AGO1: variants seen among roughly 807,000 people sequenced by gnomAD.
AGO1 encodes argonaute RISC component 1.
In AGO1, 11 loss-of-function variants were observed where a neutral mutation model predicts 109.2. That is an observed-to-expected ratio of 0.10 (90% CI 0.06 to 0.17). The LOEUF is 0.17. Among genes scored for constraint, AGO1 ranks in the 10% least tolerant of loss-of-function variants. The probability of loss-of-function intolerance (pLI) is 1.00; values close to 1 mark genes in which losing one functional copy is unlikely to be tolerated. For missense variants in AGO1, 574 were observed against 1,140.3 expected (o/e 0.50, Z 7.15); for synonymous variants, 422 against 418.6 (o/e 1.01, Z -0.10).
At chr1:35,905,278 G>A (rs1645498410) in intron 11 of AGO1, among the ~76,000 whole-genome samples, 1 of 152,118 alleles carries the variant, frequency 6.6e-6, no homozygotes, top group Non-Finnish European at 1.5e-5. Flanking sequence ...AATGGTCAAA[G>A]CCCTAGCTGT....
Position 35,921,303 on chromosome 1 carries a change from T to G in AGO1, c.*1696T>G, listed in dbSNP as rs1433708088. The G allele has an allele frequency of 6.7e-6, 1 of 150,196 alleles. No individual in the cohort carries two copies. Among genetic ancestry groups the G allele is most frequent in the Non-Finnish European group, 1.5e-5 (1 of 67,580 alleles). 9.3% of individuals were successfully genotyped at this position (150,196 alleles called of 1,614,324 possible). On this transcript the variant is annotated 3_prime_UTR_variant, in exon 19 of 19. Coordinates refer to ENST00000373204, the MANE Select transcript of AGO1 (RefSeq NM_012199.5). The stretch of plus-strand genomic sequence containing the variant: ...ATGGACTTTTTTTTTTTTTTTTTTT[T>G]GTCTTGAGACATGGGGTTTGGCTGT...
chr1:35,874,164 G>A (rs1039830933), intron 1 of AGO1, among the ~76,000 whole-genome samples: 1 of 152,134 alleles, frequency 6.6e-6, no homozygotes, highest in African/African-American at 2.4e-5. Context: ...CCAATGTCAT[G>A]GGCTTTGTTA....
At position 35,919,649 on chromosome 1, in the gene AGO1, C is replaced by T; in HGVS notation, c.*42C>T. 2 of 1,576,006 alleles carry T rather than the reference C, an allele frequency of 1.3e-6. No individual in the cohort carries two copies. Among genetic ancestry groups the T allele is most frequent in the Non-Finnish European group, 1.7e-6 (2 of 1,154,444 alleles). ...CCTCACTGGATAGAAGAAAGCTTTC[C>T]AAGCCCCAGGAGCTGTGCCACCCAA... On this transcript the variant is annotated 3_prime_UTR_variant, in exon 19 of 19. Transcript: ENST00000373204. The surrounding 1 kb of genome is among the most constrained non-coding windows in gnomAD (Gnocchi z 6.6).
intron 17 of AGO1, among the ~76,000 whole-genome samples, chr1:35,918,711 A>G (rs1645779844): frequency 6.6e-6 from 1 of 152,014 alleles, no homozygotes; most frequent in South Asian, 2.1e-4. Context: ...ATGCGCCACC[A>G]TGCCCAGCTA....
chr1:35,903,146 A>C (rs1430554133), intron 11 of AGO1, among the ~76,000 whole-genome samples: 1 of 151,600 alleles, frequency 6.6e-6, no homozygotes, highest in African/African-American at 2.4e-5. Context: ...AGCTGGGACC[A>C]CAGGCGCCCG....
At chr1:35,873,784 T>C (rs1381302631) in intron 1 of AGO1, 1 of 152,366 alleles carries the variant, frequency 6.6e-6, no homozygotes, top group Non-Finnish European at 1.5e-5. Flanking sequence ...AAATCTAGTC[T>C]TGTCAGCTTC....
chr1:35,876,299 C>T (rs970551896), intron 1 of AGO1, among the ~76,000 whole-genome samples: 1 of 150,910 alleles, frequency 6.6e-6, no homozygotes, highest in African/African-American at 2.4e-5. Flanking sequence ...CGGAGTCTCA[C>T]TCTGTTGCCC....
intron 17 of AGO1, 142 bp from the exon 18 acceptor site, chr1:35,918,913 C>T (rs1645783099): frequency 1.3e-6 from 1 of 759,852 alleles, no homozygotes; most frequent in Admixed American, 2.1e-5. Flanking sequence ...AAGAAGAGTG[C>T]TTTATGACAT....
At chr1:35,879,584 A>C (rs758726139), upstream of AGO1, among the ~76,000 whole-genome samples, 3 of 151,452 alleles carry the variant, frequency 2.0e-5, no homozygotes, top group Non-Finnish European at 4.4e-5. Context: ...ATGGCGCAAA[A>C]ATTAGCTGGG....
chr1:35,896,846 G>A (rs910819699), intron 8 of AGO1, among the ~76,000 whole-genome samples: 1 of 152,338 alleles, frequency 6.6e-6, no homozygotes, highest in East Asian at 1.9e-4. Flanking sequence ...TGTTCTCTGA[G>A]GTATAAACAG....
chr1:35,921,093 C>G lies in AGO1; in HGVS notation c.*1486C>G, dbSNP rs989931107. On this transcript the variant is annotated 3_prime_UTR_variant, in exon 19 of 19. Coordinates refer to ENST00000373204, the MANE Select transcript of AGO1 (RefSeq NM_012199.5). ...CTTGCTATAGCCTCCCTCCTCTGCA[C>G]TGTCCTGCACTCTTTCTTGCAAGTG... The G allele has an allele frequency of 6.5e-6, 1 of 152,730 alleles. No homozygotes were observed. Among genetic ancestry groups the G allele is most frequent in the African/African-American group, 2.4e-5 (1 of 41,436 alleles). 9.5% of individuals were successfully genotyped at this position (152,730 alleles called of 1,614,324 possible). A position where few individuals can be genotyped will look rare whatever the true frequency, so the allele number is the denominator to read the frequency against.
chr1:35,899,747 G>A (rs1462446267), intron 8 of AGO1, among the ~76,000 whole-genome samples: 2 of 152,198 alleles, frequency 1.3e-5, no homozygotes. Context: ...GAATTAGGAC[G>A]AGAACTAGTA....
intron 13 of AGO1, 31 bp from the exon 14 acceptor site, chr1:35,914,153 C>T: frequency 6.2e-7 from 1 of 1,609,632 alleles, no homozygotes; most frequent in African/African-American, 1.3e-5. Flanking sequence ...GACCCAGCGC[C>T]TCACCATTTT....
chr1:35,926,925 C>T lies in AGO1; in HGVS notation c.*7318C>T, dbSNP rs1645940165. ...AGCATCTTCACCACCATCCTCTTGG[C>T]AATGGTTTTTTGTTTGGGGTTTTTT... On this transcript the variant is annotated 3_prime_UTR_variant, in exon 19 of 19. Coordinates refer to ENST00000373204, the MANE Select transcript of AGO1 (RefSeq NM_012199.5). 1 of 148,614 alleles carries T rather than the reference C, an allele frequency of 6.7e-6. No individual in the cohort carries two copies. Among genetic ancestry groups the T allele is most frequent in the African/African-American group, 2.5e-5 (1 of 40,052 alleles). The allele number at this position is 148,614 out of a possible 1,614,324, so 9.2% of individuals were successfully genotyped here.
chr1:35,873,682 C>G (rs1644970853), intron 1 of AGO1: 1 of 153,324 alleles, frequency 6.5e-6, no homozygotes, highest in African/African-American at 2.4e-5. Flanking sequence ...TTTTCCCGAT[C>G]AGCTTCACCT....
chr1:35,871,601 G>T (rs1644951894), intron 1 of AGO1, among the ~76,000 whole-genome samples: 1 of 78,710 alleles, frequency 1.3e-5, no homozygotes. Context: ...CTGGGTGTGG[G>T]GTGGCCCATG....
intron 8 of AGO1, among the ~76,000 whole-genome samples, chr1:35,898,201 TTTTTA>T (rs1645352191): frequency 6.6e-6 from 1 of 152,184 alleles, no homozygotes; most frequent in South Asian, 2.1e-4. Flanking sequence ...TGAACATAAG[TTTTTA>T]TTTCTCTGGA....
intron 17 of AGO1, among the ~76,000 whole-genome samples, chr1:35,918,848 G>A (rs1645781558): frequency 6.6e-6 from 1 of 152,182 alleles, no homozygotes; most frequent in Non-Finnish European, 1.5e-5. Context: ...GAGCCACTGT[G>A]CCCGGCCAGG....
At chr1:35,899,877 G>A (rs1645384389) in intron 8 of AGO1, among the ~76,000 whole-genome samples, 1 of 152,130 alleles carries the variant, frequency 6.6e-6, no homozygotes, top group Non-Finnish European at 1.5e-5. Flanking sequence ...TAAAGAAGAA[G>A]ATTCTCAGAG....
Sources: allele counts gnomAD v4.1 joint callset (sites outside exome capture counted in the v4.1 genomes callset), GRCh38; gene constraint gnomAD v4.1.1; non-coding constraint Gnocchi (gnomAD v3.1); transcripts MANE v1.5; gene names NCBI Gene and HGNC (gene_info 2026-07-23, HGNC 2026-07-21).